Variants in SH2D3C observed in about 807,000 individuals in gnomAD.
SH2D3C encodes SH2 domain-containing protein 3C.
In SH2D3C, 25 loss-of-function variants were observed where a neutral mutation model predicts 75.2. The ratio of observed to expected loss-of-function variants is 0.33; its 90% confidence interval spans 0.24 to 0.46. The LOEUF (loss-of-function observed/expected upper bound fraction) is 0.46, where lower values mean the gene tolerates loss of function less well. Ranked by LOEUF, SH2D3C falls within the 20% of genes least tolerant of loss-of-function variation. The probability of loss-of-function intolerance (pLI) is 1.00; values close to 1 mark genes in which losing one functional copy is unlikely to be tolerated. For synonymous variants in SH2D3C, 450 were observed against 473.7 expected (o/e 0.95, Z 0.65); for missense variants, 933 against 1,165.3 (o/e 0.80, Z 2.90).
intron 2 of SH2D3C, chr9:127,771,561 C>T: frequency 3.0e-6 from 1 of 336,892 alleles, no homozygotes; most frequent in Non-Finnish European, 5.4e-6. Flanking sequence ...GCTTCCCCAG[C>T]AGCTCTCCGC....
chr9:127,769,617 T>C (rs1254389248), intron 2 of SH2D3C, among the ~76,000 whole-genome samples: 1 of 147,964 alleles, frequency 6.8e-6, no homozygotes, highest in African/African-American at 2.5e-5. Context: ...GATCACACCA[T>C]TGCACCCCAG....
chr9:127,766,959 CT>C, intron 2 of SH2D3C: 1 of 1,536,152 alleles, frequency 6.5e-7, no homozygotes, highest in Non-Finnish European at 8.7e-7. Flanking sequence ...CTTAAAGGCC[CT>C]GGGCAAAAAG....
chr9:127,747,049 T>A, intron 6 of SH2D3C, 98 bp downstream of exon 6: 1 of 1,305,156 alleles, frequency 7.7e-7, no homozygotes, highest in African/African-American at 1.5e-5. Flanking sequence ...AGGTCGCGCC[T>A]CATAAAAGAG....
rs779796508 is a variant in SH2D3C, at chr9:127,739,825, C to G, written c.2264G>C (p.Cys755Ser). 3.8e-6 allele frequency: 6 copies of G among 1,585,256 alleles called. No homozygotes were observed. Among genetic ancestry groups the G allele is most frequent in the Non-Finnish European group, 5.1e-6 (6 of 1,165,648 alleles). The change falls in exon 11 of 12, where the codon TGT (cysteine) becomes TCT (serine). Residue 755 changes from cysteine to serine, a missense_variant. Physicochemically the swap from Cys to Ser is moderately radical, Grantham distance 112. Transcript: ENST00000314830. The surrounding 1 kb of genome is among the most constrained non-coding windows in gnomAD (Gnocchi z 4.3). ...AGGGCCCTCTGGTGGGGCCGAGTCA[C>G]ACTCCAGCAGGGTGATGAGGGGCAG... The part of the protein sequence containing the change: ...HVLPLITLLE[C>S]DSAPPEGPEP...
chr9:127,775,328 T>C (rs1008402784), intron 1 of SH2D3C, among the ~76,000 whole-genome samples: 12 of 152,096 alleles, frequency 7.9e-5, no homozygotes, highest in Admixed American at 2.6e-4. Flanking sequence ...ACCCTGTCTC[T>C]ACAAAAAATA....
chr9:127,755,187 C>T (rs1845340644), intron 3 of SH2D3C: 2 of 1,196,284 alleles, frequency 1.7e-6, no homozygotes, highest in South Asian at 4.1e-5. Flanking sequence ...GGGGCCGGGA[C>T]GGTGTGGGGG....
At chr9:127,777,153 C>CA in intron 1 of SH2D3C, among the ~76,000 whole-genome samples, 1 of 152,312 alleles carries the variant, frequency 6.6e-6, no homozygotes. Flanking sequence ...GCATTGCCAT[C>CA]TGGGAAATGC....
At chr9:127,755,028 G>T in intron 3 of SH2D3C, 1 of 924,706 alleles carries the variant, frequency 1.1e-6, no homozygotes, top group Non-Finnish European at 1.4e-6. Flanking sequence ...GGGCGGAGCG[G>T]CCGGGGGTCC....
chr9:127,749,211 C>T lies in SH2D3C; in HGVS notation c.1139G>A (p.Ser380Asn), dbSNP rs1246915042. The change falls in exon 5 of 12, where the codon AGT becomes AAT. Residue 380 changes from serine (S) to asparagine (N), a missense_variant and splice_region_variant. Ser to Asn is a conservative substitution (Grantham distance 46, BLOSUM62 1). Coordinates refer to ENST00000314830, the MANE Select transcript of SH2D3C (RefSeq NM_170600.3). The surrounding 1 kb of genome is among the most constrained non-coding windows in gnomAD (Gnocchi z 5.9). ...TTTGACAAATGGGGCCCTGGCTGAC[C>T]TGGTGGGGCAGCCATCGCTGCGGGT... ...KVTRSDGCPT[S>N]TSLPRPRDSI... 1 of 1,550,496 alleles carries T rather than the reference C, an allele frequency of 6.4e-7. No individual in the cohort carries two copies. The highest frequency in any genetic ancestry group is 8.7e-7 in the Non-Finnish European group (1 of 1,146,860).
intron 2 of SH2D3C, among the ~76,000 whole-genome samples, chr9:127,772,381 T>C (rs1845753190): frequency 6.6e-6 from 1 of 151,634 alleles, no homozygotes; most frequent in African/African-American, 2.4e-5. Context: ...GTAGCTGGGA[T>C]TACAGGTGCC....
chr9:127,768,805 C>T (rs948716907), intron 2 of SH2D3C, among the ~76,000 whole-genome samples: 4 of 145,488 alleles, frequency 2.7e-5, no homozygotes, highest in African/African-American at 1.0e-4. Context: ...CCTTGCTCTG[C>T]CCCGGCCACA....
chr9:127,755,595 A>T (rs1845359434), intron 3 of SH2D3C, among the ~76,000 whole-genome samples: 1 of 152,132 alleles, frequency 6.6e-6, no homozygotes, highest in Non-Finnish European at 1.5e-5. Context: ...ATTAAATCAT[A>T]TCTAAAACTG....
At chr9:127,760,315 G>T (rs950375635) in intron 3 of SH2D3C, among the ~76,000 whole-genome samples, 4 of 152,126 alleles carry the variant, frequency 2.6e-5, no homozygotes. Context: ...TAGGGTGGGG[G>T]CTCCTGGGGG....
rs764571564 is a variant in SH2D3C at position 127,778,604 on chromosome 9, G to GGTCTTCTTGGTCCCCTCT, written c.6_23dup (p.Glu3_Thr8dup). 4.3e-6 allele frequency: 7 copies of GGTCTTCTTGGTCCCCTCT among 1,613,846 alleles called. No individual in the cohort carries two copies. The South Asian group carries it at 7.7e-5, about 18-fold the overall frequency. On this transcript the variant is annotated inframe_insertion, in exon 1 of 12. Coordinates refer to ENST00000314830, the MANE Select transcript of SH2D3C (RefSeq NM_170600.3). ...CCCCACACTCACTGAACTTTTTGCT[G>GGTCTTCTTGGTCCCCTCT]GTCTTCTTGGTCCCCTCTGTCATCT...
chr9:127,747,043 C>T (rs1196838568), intron 6 of SH2D3C, 104 bp downstream of exon 6: 7 of 1,147,842 alleles, frequency 6.1e-6, no homozygotes, highest in African/African-American at 1.5e-5. Flanking sequence ...TGGTAAAGGT[C>T]GCGCCTCATA....
Position 127,747,238 on chromosome 9 carries a change from G to A in SH2D3C, c.1173C>T (p.Arg391=), listed in dbSNP as rs758813030. The A allele has an allele frequency of 6.2e-7, 1 of 1,613,792 alleles. No individual in the cohort carries two copies. Among genetic ancestry groups the A allele is most frequent in the Non-Finnish European group, 8.5e-7 (1 of 1,179,992 alleles). ...TCTGGTCCATGCTGAGGGCACAGCTGCGGATGGAGTCCCGAGGGCGGGGCA... is the reference window on the plus strand; with the variant it reads ...TCTGGTCCATGCTGAGGGCACAGCTACGGATGGAGTCCCGAGGGCGGGGCA... The part of the protein sequence containing the change: ...TSLPRPRDSI[R]SCALSMDQIP... Residue 391 remains arginine (R), a synonymous_variant, in exon 6 of 12, where the codon CGC becomes CGT. Transcript: ENST00000314830.
intron 1 of SH2D3C, among the ~76,000 whole-genome samples, chr9:127,776,131 T>TAAC (rs1003326322): frequency 2.6e-5 from 4 of 152,086 alleles, no homozygotes; most frequent in African/African-American, 9.7e-5. Context: ...GCCTGGCCAC[T>TAAC]AATAATAATA....
Position 127,745,034 on chromosome 9 carries a change from G to A in SH2D3C, c.1330C>T (p.Arg444Cys), listed in dbSNP as rs368075724. ...ATALPASPVA[R>C]RSSEPQLCPG... ...CACAGCTGGGGCTCACTGGAACGGC[G>A]GGCGACAGGGGAGGCAGGCAATGCT... Residue 444 changes from arginine (R) to cysteine (C), a missense_variant, in exon 7 of 12, where the codon CGC (arginine) becomes TGC (cysteine). Coordinates refer to ENST00000314830, the MANE Select transcript of SH2D3C (RefSeq NM_170600.3). 7.9e-6 allele frequency: 12 copies of A among 1,512,140 alleles called. No homozygotes were observed. Among genetic ancestry groups the A allele is most frequent in the African/African-American group, 2.8e-5 (2 of 71,672 alleles). The allele number at this position is 1,512,140 out of a possible 1,614,324, so 93.7% of individuals were successfully genotyped here.
At chr9:127,762,439 G>A (rs973960572) in intron 2 of SH2D3C, 2 of 637,816 alleles carry the variant, frequency 3.1e-6, no homozygotes, top group Non-Finnish European at 5.3e-6. Flanking sequence ...TACAACTTGT[G>A]TATCCAAAGC....
Sources: allele counts gnomAD v4.1 joint callset (sites outside exome capture counted in the v4.1 genomes callset), GRCh38; gene constraint gnomAD v4.1.1; non-coding constraint Gnocchi (gnomAD v3.1); transcripts MANE v1.5; gene names NCBI Gene and HGNC (gene_info 2026-07-23, HGNC 2026-07-21).